ZNF679: variants seen among roughly 807,000 people sequenced by gnomAD.
ZNF679 encodes the protein zinc finger protein 679, also known as hypothetical protein MGC42415.
In ZNF679, 10 loss-of-function variants were observed where a neutral mutation model predicts 13.4. The ratio of observed to expected loss-of-function variants is 0.75; its 90% CI spans 0.46 to 1.27. The LOEUF (loss-of-function observed/expected upper bound fraction) is 1.27, where lower values mean the gene tolerates loss of function less well. ZNF679 is among the 50% of genes most tolerant of loss of function. The pLI is 0.00. For missense variants in ZNF679, 525 were observed against 477.8 expected (o/e 1.10, Z -0.92); for synonymous variants, 179 against 162.5 (o/e 1.10, Z -0.77).
At position 64,266,509 on chromosome 7, in the gene ZNF679, A is replaced by G. The variant is rs1302325134; in HGVS notation, c.876A>G (p.Gly292=). The G allele has an allele frequency of 6.2e-7, 1 of 1,613,576 alleles. No homozygotes were observed. Among genetic ancestry groups the G allele is most frequent in the Non-Finnish European group, 8.5e-7 (1 of 1,179,784 alleles). The change falls in exon 5 of 5, where the codon GGA becomes GGG. Residue 292 remains glycine (G), a synonymous_variant. Coordinates refer to ENST00000421025, the MANE Select transcript of ZNF679 (RefSeq NM_153363.3). ...CTAACCACAAGAGAATTCATACTGG[A>G]GAGAAACCATACACATGTGAAGAAT... ...TLANHKRIHT[G]EKPYTCEECG...
intron 1 of ZNF679, among the ~76,000 whole-genome samples, chr7:64,243,243 G>A (rs960945690): frequency 2.0e-5 from 3 of 152,274 alleles, no homozygotes; most frequent in Non-Finnish European, 2.9e-5. Flanking sequence ...GTTTGCATAC[G>A]CGAGTCTTCA....
intron 2 of ZNF679, 72 bp from the exon 3 acceptor site, chr7:64,260,149 C>T (rs1788055636): frequency 7.3e-7 from 1 of 1,375,600 alleles, no homozygotes; most frequent in African/African-American, 1.5e-5. Context: ...AAATAAAAAT[C>T]TCTGCCTACG....
chr7:64,260,367 A>T lies in ZNF679; in HGVS notation c.166+20A>T. ...CCCTGGGTGAGGATAACTTCAATAC[A>T]CAATTCCTAATATATTTCTTTTCTC... is the stretch of plus-strand genomic sequence containing the variant. On this transcript the variant is annotated intron_variant, in intron 3 of 4. Coordinates refer to ENST00000421025, the MANE Select transcript of ZNF679 (RefSeq NM_153363.3). 6.3e-7 allele frequency: 1 copy of T among 1,587,782 alleles called. No homozygotes were observed. Among genetic ancestry groups the T allele is most frequent in the Non-Finnish European group, 8.5e-7 (1 of 1,173,344 alleles).
intron 1 of ZNF679, among the ~76,000 whole-genome samples, chr7:64,242,514 G>T (rs1378614920): frequency 6.6e-6 from 1 of 152,080 alleles, no homozygotes; most frequent in Admixed American, 6.6e-5. Flanking sequence ...CTATAATCTG[G>T]TTACAAAAAT....
Position 64,236,453 on chromosome 7 carries a change from G to GA in ZNF679, c.-91+7811dup, listed in dbSNP as rs36066976. On this transcript the variant is annotated intron_variant, in intron 1 of 4. Transcript: ENST00000421025. ...GTTTGTAAAAGAGCGTTTGTGGGGG[G>GA]AAAAAAAAAAGGGCAGAATAAGAGA... Among the ~76,000 whole-genome samples, 492 of 145,196 alleles carry GA rather than the reference G, an allele frequency of 3.4e-3. 2 individuals are homozygous for GA. Among genetic ancestry groups the GA allele is most frequent in the African/African-American group, 0.011 (442 of 39,776 alleles).
At chr7:64,246,962 G>A (rs1787878210) in intron 1 of ZNF679, among the ~76,000 whole-genome samples, 1 of 152,174 alleles carries the variant, frequency 6.6e-6, no homozygotes, top group Admixed American at 6.6e-5. Flanking sequence ...TTGTTCATGA[G>A]TTTTGCAAGA....
intron 4 of ZNF679, among the ~76,000 whole-genome samples, chr7:64,261,616 G>T (rs984100403): frequency 2.6e-5 from 4 of 151,812 alleles, no homozygotes; most frequent in Admixed American, 6.6e-5. Flanking sequence ...TATGATAGCT[G>T]CATCTTTTTT....
At chr7:64,245,536 C>T (rs532284246) in intron 1 of ZNF679, among the ~76,000 whole-genome samples, 4 of 152,128 alleles carry the variant, frequency 2.6e-5, no homozygotes, top group Admixed American at 6.5e-5. Flanking sequence ...GAAAGACCCA[C>T]GCATTGAATC....
chr7:64,251,240 TC>T (rs896656499), intron 2 of ZNF679, among the ~76,000 whole-genome samples: 2 of 152,002 alleles, frequency 1.3e-5, no homozygotes, highest in African/African-American at 4.8e-5. Flanking sequence ...TCACTTGAGG[TC>T]AGGAGTTAGA....
intron 1 of ZNF679, among the ~76,000 whole-genome samples, chr7:64,236,979 G>GAAAGAAAGAA (rs1562840397): frequency 6.2e-5 from 4 of 64,312 alleles, no homozygotes; most frequent in South Asian, 4.5e-4. Flanking sequence ...GAAAGAAAAA[G>GAAAGAAAGAA]AAAGAAAGAA....
At chr7:64,240,155 T>C (rs982790678) in intron 1 of ZNF679, among the ~76,000 whole-genome samples, 73 of 152,186 alleles carry the variant, frequency 4.8e-4, no homozygotes, top group African/African-American at 1.7e-3. Context: ...CTCTCCTGAA[T>C]GGGCCCTGCT....
At chr7:64,246,586 G>A (rs1787873721) in intron 1 of ZNF679, among the ~76,000 whole-genome samples, 1 of 152,110 alleles carries the variant, frequency 6.6e-6, no homozygotes, top group Admixed American at 6.5e-5. Context: ...AGCTGGGCAT[G>A]GTGGTGTGCA....
intron 4 of ZNF679, among the ~76,000 whole-genome samples, chr7:64,262,583 T>C (rs1788092706): frequency 6.6e-6 from 1 of 152,240 alleles, no homozygotes; most frequent in Non-Finnish European, 1.5e-5. Context: ...ATTTTCTCCA[T>C]TGTCTGCTCA....
At chr7:64,249,555 T>C (rs943429752) in intron 2 of ZNF679, among the ~76,000 whole-genome samples, 6 of 152,306 alleles carry the variant, frequency 3.9e-5, no homozygotes, top group Non-Finnish European at 7.3e-5. Context: ...TAGAAATGTA[T>C]GGGAGTCACT....
At chr7:64,230,539 CAAA>C (rs948433156) in intron 1 of ZNF679, among the ~76,000 whole-genome samples, 3 of 61,206 alleles carry the variant, frequency 4.9e-5, no homozygotes, top group Non-Finnish European at 1.1e-4. Flanking sequence ...GACTCCGTCT[CAAA>C]AAAAAAAAAA....
chr7:64,260,758 T>C, intron 3 of ZNF679, 76 bp from the exon 4 acceptor site: 1 of 1,420,112 alleles, frequency 7.0e-7, no homozygotes, highest in East Asian at 2.3e-5. Context: ...TATATCCTCT[T>C]TACTAAGCAT....
chr7:64,229,768 T>C (rs1787611177), intron 1 of ZNF679, among the ~76,000 whole-genome samples: 1 of 152,214 alleles, frequency 6.6e-6, no homozygotes, highest in South Asian at 2.1e-4. Flanking sequence ...GTCATCATCA[T>C]GTCTGCTAAC....
At chr7:64,250,470 A>G (rs1787931908) in intron 2 of ZNF679, among the ~76,000 whole-genome samples, 1 of 151,794 alleles carries the variant, frequency 6.6e-6, no homozygotes, top group Non-Finnish European at 1.5e-5. Flanking sequence ...GAGTTTTGCC[A>G]TGTTGGACAG....
Position 64,238,055 on chromosome 7 carries a change from T to C in ZNF679, c.-91+9403T>C, listed in dbSNP as rs533250378. Among the ~76,000 whole-genome samples, 6 of 152,276 alleles carry C rather than the reference T, an allele frequency of 3.9e-5. No homozygotes were observed. In the East Asian group the frequency reaches 9.7e-4, roughly 25 times the overall value. On this transcript the variant is annotated intron_variant, in intron 1 of 4. Transcript: ENST00000421025. Reference sequence around the variant, plus strand: ...GACTGATGGTCAGGATCATTACCATTGTTCTTCACACACAATTAAATAGTT... The same window carrying C: ...GACTGATGGTCAGGATCATTACCATCGTTCTTCACACACAATTAAATAGTT...
Sources: gnomAD v4.1 joint callset for allele counts (sites outside exome capture counted in the v4.1 genomes callset) on GRCh38, gnomAD v4.1.1 for gene constraint, MANE v1.5 for transcripts, NCBI Gene and HGNC (gene_info 2026-07-23, HGNC 2026-07-21) for gene names.